Variants in TTC28 observed in about 807,000 individuals in gnomAD.
TTC28 encodes tetratricopeptide repeat domain 28, also known as tetratricopeptide repeat protein 28.
Under a neutral mutation model 198.0 loss-of-function variants are expected in TTC28, and 61 were observed. The ratio of observed to expected loss-of-function variants is 0.31; its 90% CI spans 0.25 to 0.38. The LOEUF (loss-of-function observed/expected upper bound fraction) is 0.38, where lower values mean the gene tolerates loss of function less well. TTC28 is among the 10% of genes least tolerant of loss of function. The pLI, the probability that TTC28 is intolerant of heterozygous loss-of-function variation, is 1.00. For synonymous variants in TTC28, 1,171 were observed against 1,297.8 expected, an observed-to-expected ratio of 0.90 and a Z score of 2.10; for missense variants, 2,678 against 3,164.0, an observed-to-expected ratio of 0.85 and a Z score of 3.69.
rs184098969 is a variant in TTC28 at position 28,522,254 on chromosome 22, G to A, written c.381+107298C>T. 3.7e-4 allele frequency among the ~76,000 whole-genome samples: 57 copies of A among 152,274 alleles called. 1 individual carries two copies. Among genetic ancestry groups the A allele is most frequent in the Admixed American group, 2.2e-3 (34 of 15,298 alleles). On this transcript the variant is annotated intron_variant, in intron 2 of 22. Coordinates refer to ENST00000397906, the MANE Select transcript of TTC28 (RefSeq NM_001145418.2). ...TGTAATCCCAACACTTTGGGAGGCCGAGATAGGTGGATTACCAGAGTCAGG... is the reference window on the plus strand; with the variant it reads ...TGTAATCCCAACACTTTGGGAGGCCAAGATAGGTGGATTACCAGAGTCAGG...
chr22:28,067,086 C>A (rs1940785119), intron 12 of TTC28, among the ~76,000 whole-genome samples: 1 of 152,166 alleles, frequency 6.6e-6, no homozygotes, highest in Non-Finnish European at 1.5e-5. Context: ...TCATAATAAC[C>A]AACAGTGGCA....
intron 2 of TTC28, among the ~76,000 whole-genome samples, chr22:28,558,257 G>A (rs1040003438): frequency 6.6e-6 from 1 of 152,172 alleles, no homozygotes; most frequent in Admixed American, 6.5e-5. Context: ...TTTATCATAA[G>A]TAATTTGTTA....
At chr22:28,200,505 G>A (rs1013725011) in intron 5 of TTC28, among the ~76,000 whole-genome samples, 11 of 152,080 alleles carry the variant, frequency 7.2e-5, no homozygotes, top group African/African-American at 2.4e-4. Flanking sequence ...AATGGAGTGA[G>A]AGATAGTGTT....
chr22:28,582,385 A>T (rs967897078), intron 2 of TTC28, among the ~76,000 whole-genome samples: 1 of 152,212 alleles, frequency 6.6e-6, no homozygotes, highest in Non-Finnish European at 1.5e-5. Context: ...GATGTTGAAA[A>T]TTCATATTTC....
At chr22:28,114,563 G>A (rs1942582237) in intron 6 of TTC28, among the ~76,000 whole-genome samples, 1 of 151,724 alleles carries the variant, frequency 6.6e-6, no homozygotes, top group African/African-American at 2.4e-5. Context: ...GCCAGTGATG[G>A]ACAGCAAAGG....
chr22:28,057,798 G>T (rs1569111748), intron 12 of TTC28, among the ~76,000 whole-genome samples: 1 of 151,924 alleles, frequency 6.6e-6, no homozygotes, highest in Admixed American at 6.6e-5. Context: ...GTTCAAGATT[G>T]TTTTTTTCTG....
At chr22:28,487,092 G>GA (rs1269825577) in intron 2 of TTC28, among the ~76,000 whole-genome samples, 1 of 151,952 alleles carries the variant, frequency 6.6e-6, no homozygotes, top group Non-Finnish European at 1.5e-5. Context: ...AAGACTTATG[G>GA]AAAAATCGAT....
At chr22:28,071,587 T>TG (rs1940970096) in intron 12 of TTC28, among the ~76,000 whole-genome samples, 2 of 47,064 alleles carry the variant, frequency 4.2e-5, no homozygotes, top group African/African-American at 9.1e-5. Flanking sequence ...TGTGGTGGGG[T>TG]GGGGGGGAGC....
chr22:27,989,165 C>T, intron 21 of TTC28, among the ~76,000 whole-genome samples: 1 of 152,190 alleles, frequency 6.6e-6, no homozygotes, highest in East Asian at 1.9e-4. Context: ...TCAGGAGTCA[C>T]ACCTGCACGT....
intron 2 of TTC28, among the ~76,000 whole-genome samples, chr22:28,422,169 A>G (rs2047265342): frequency 1.3e-5 from 2 of 152,330 alleles, no homozygotes; most frequent in Non-Finnish European, 2.9e-5. Flanking sequence ...TAAAAGCAAC[A>G]GTGTTCAAAA....
chr22:28,580,739 T>C (rs2050222401), intron 2 of TTC28, among the ~76,000 whole-genome samples: 1 of 152,230 alleles, frequency 6.6e-6, no homozygotes, highest in Non-Finnish European at 1.5e-5. Flanking sequence ...TTGACAAATC[T>C]GGTATTAATT....
intron 2 of TTC28, among the ~76,000 whole-genome samples, chr22:28,603,718 T>C (rs777876262): frequency 6.6e-6 from 1 of 152,118 alleles, no homozygotes; most frequent in Non-Finnish European, 1.5e-5. Context: ...TTCAATATGA[T>C]TATGTAAAAA....
intron 2 of TTC28, among the ~76,000 whole-genome samples, chr22:28,577,922 C>A (rs1047288517): frequency 6.6e-6 from 1 of 151,974 alleles, no homozygotes; most frequent in Non-Finnish European, 1.5e-5. Flanking sequence ...CATTCATCCA[C>A]CCTATGACTT....
chr22:28,083,484 A>C (rs1016186978), intron 12 of TTC28, among the ~76,000 whole-genome samples: 1 of 152,230 alleles, frequency 6.6e-6, no homozygotes, highest in Non-Finnish European at 1.5e-5. Context: ...TTGTTTATTC[A>C]TGGCTATTTA....
chr22:28,091,678 C>A (rs1052961582), intron 12 of TTC28, among the ~76,000 whole-genome samples: 2 of 152,132 alleles, frequency 1.3e-5, no homozygotes, highest in Non-Finnish European at 2.9e-5. Flanking sequence ...TCTCTTAGAT[C>A]CCTGCTGTCC....
chr22:28,663,600 AC>A (rs1275559437), intron 1 of TTC28, among the ~76,000 whole-genome samples: 1 of 118,188 alleles, frequency 8.5e-6, no homozygotes, highest in African/African-American at 3.3e-5. Context: ...GGCTTAAGAA[AC>A]GGCGCACCAC....
chr22:28,340,712 T>C (rs997310089), intron 2 of TTC28, among the ~76,000 whole-genome samples: 7 of 152,140 alleles, frequency 4.6e-5, no homozygotes, highest in Non-Finnish European at 8.8e-5. Flanking sequence ...AAAGTACTAA[T>C]TACCAAGAAC....
At chr22:28,022,364 G>A (rs779209564) in intron 13 of TTC28, among the ~76,000 whole-genome samples, 32 of 152,362 alleles carry the variant, frequency 2.1e-4, no homozygotes, top group Middle Eastern at 6.8e-3. Flanking sequence ...TTCTCAGCCC[G>A]TCATTTCTCT....
chr22:27,987,740 T>C (rs560314547), intron 21 of TTC28, among the ~76,000 whole-genome samples: 2 of 152,024 alleles, frequency 1.3e-5, no homozygotes, highest in African/African-American at 4.8e-5. Flanking sequence ...TGTGGCTTCC[T>C]CTTGCTGACT....
Sources: gnomAD v4.1 joint callset for allele counts (sites outside exome capture counted in the v4.1 genomes callset) on GRCh38, gnomAD v4.1.1 for gene constraint, MANE v1.5 for transcripts, NCBI Gene and HGNC (gene_info 2026-07-23, HGNC 2026-07-21) for gene names.